DDX60: variants seen among roughly 807,000 people sequenced by gnomAD.
DDX60 encodes probable ATP-dependent RNA helicase DDX60.
In DDX60, 165 loss-of-function variants were observed where a neutral mutation model predicts 212.8. That is an observed-to-expected ratio of 0.78 (90% confidence interval 0.68 to 0.88). The LOEUF is 0.88. DDX60 is among the 40% of genes least tolerant of loss of function. DDX60 has a pLI of 0.00. For missense variants in DDX60, 1,905 were observed against 2,003.9 expected (o/e 0.95, Z 0.94); for synonymous variants, 703 against 685.3 (o/e 1.03, Z -0.40).
At chr4:168,323,740 A>G (rs1737649200), upstream of DDX60, among the ~76,000 whole-genome samples, 1 of 152,168 alleles carries the variant, frequency 6.6e-6, no homozygotes, top group Admixed American at 6.5e-5. Flanking sequence ...TTTTTACCCC[A>G]AAGGAAGGAA....
intron 22 of DDX60, chr4:168,263,631 AT>A (rs1330292007): frequency 2.0e-5 from 3 of 152,062 alleles, no homozygotes. Flanking sequence ...TAATGCTGTT[AT>A]AAAAGAGACC....
rs1470402884 is a variant in DDX60 at position 168,310,983 on chromosome 4, TATA to T, written c.74+12_74+14del. 2 of 1,454,500 alleles carry T rather than the reference TATA, an allele frequency of 1.4e-6. No individual in the cohort carries two copies. Among genetic ancestry groups the T allele is most frequent in the African/African-American group, 1.4e-5 (1 of 71,338 alleles). 90.1% of individuals were successfully genotyped at this position (1,454,500 alleles called of 1,614,324 possible). ...AGCTATGATTTCCCGTCTTTATTAC[TATA>T]ATAATACTCACTCAGCTTTTGGCAT... On this transcript the variant is annotated intron_variant, in intron 3 of 37. Transcript: ENST00000393743.
At position 168,285,961 on chromosome 4, in the gene DDX60, GGAAAGAATGAAA is replaced by G. The variant is rs752189972; in HGVS notation, c.1340-475_1340-464del. 3.5e-3 allele frequency among the ~76,000 whole-genome samples: 336 copies of G among 96,014 alleles called. 2 individuals carry two copies. The highest frequency in any genetic ancestry group is 5.2e-3 in the Non-Finnish European group (265 of 50,750). 63.0% of individuals were successfully genotyped at this position (96,014 alleles called of 152,430 possible). ...GAAGGGAGGAAGGGAGGGAGGGAAA[GGAAAGAATGAAA>G]GAAAGAAAGAAAGAAAGAAAGAAAG... On this transcript the variant is annotated intron_variant, in intron 10 of 37. Coordinates refer to ENST00000393743, the MANE Select transcript of DDX60 (RefSeq NM_017631.6).
At chr4:168,265,875 G>T (rs1048852851) in intron 22 of DDX60, among the ~76,000 whole-genome samples, 30 of 148,326 alleles carry the variant, frequency 2.0e-4, no homozygotes, top group African/African-American at 7.5e-4. Flanking sequence ...GGGAAGGGAA[G>T]GGAAGGGAAG....
intron 1 of DDX60, among the ~76,000 whole-genome samples, chr4:168,312,713 A>G (rs968623265): frequency 4.2e-5 from 3 of 70,764 alleles, no homozygotes; most frequent in Non-Finnish European, 8.2e-5. Flanking sequence ...AGATAGATAT[A>G]GATGATGGAT....
intron 20 of DDX60, 150 bp downstream of exon 20, chr4:168,268,704 T>A: frequency 2.2e-6 from 1 of 462,922 alleles, no homozygotes; most frequent in Non-Finnish European, 3.8e-6. Context: ...GGCCAGGAGG[T>A]GTAGAGAGAT....
chr4:168,260,857 T>C lies in DDX60; in HGVS notation c.3398+8A>G. Reference sequence around the variant, plus strand: ...ACAAGCAAAACCAAATTAAATTAAATAACTTACAAAAAAAATAGTGCAGGT... The same window carrying C: ...ACAAGCAAAACCAAATTAAATTAAACAACTTACAAAAAAAATAGTGCAGGT... On this transcript the variant is annotated splice_region_variant and intron_variant, in intron 25 of 37. Transcript: ENST00000393743. The C allele has an allele frequency of 1.3e-6, 2 of 1,596,508 alleles. No individual in the cohort carries two copies. Among genetic ancestry groups the C allele is most frequent in the Non-Finnish European group, 1.7e-6 (2 of 1,169,294 alleles).
intron 1 of DDX60, among the ~76,000 whole-genome samples, chr4:168,318,345 G>T (rs919170159): frequency 6.6e-6 from 1 of 152,196 alleles, no homozygotes; most frequent in Non-Finnish European, 1.5e-5. Flanking sequence ...CTTTGACGGG[G>T]ACTCCTTAAA....
At chr4:168,223,143 G>A (rs1282579253) in intron 35 of DDX60, among the ~76,000 whole-genome samples, 2 of 152,000 alleles carry the variant, frequency 1.3e-5, no homozygotes, top group East Asian at 3.9e-4. Flanking sequence ...TTGATGGCCT[G>A]GGGGAAAACG....
chr4:168,269,908 A>C (rs924374617), intron 19 of DDX60, among the ~76,000 whole-genome samples: 3 of 152,176 alleles, frequency 2.0e-5, no homozygotes, highest in African/African-American at 7.2e-5. Flanking sequence ...GGTAGAGTTC[A>C]GCTCAATGCC....
chr4:168,258,192 T>TGTA (rs1240160412), intron 25 of DDX60, among the ~76,000 whole-genome samples: 2 of 152,238 alleles, frequency 1.3e-5, no homozygotes, highest in Non-Finnish European at 2.9e-5. Flanking sequence ...ATAACATTTT[T>TGTA]GTAGCACTGT....
intron 3 of DDX60, 39 bp from the exon 4 acceptor site, chr4:168,308,234 A>C (rs768469510): frequency 8.3e-7 from 1 of 1,210,626 alleles, no homozygotes; most frequent in South Asian, 1.4e-5. Context: ...TCACATATGC[A>C]TTAAATCATG....
chr4:168,325,749 G>T, the DDX60 span, among the ~76,000 whole-genome samples: 1 of 152,208 alleles, frequency 6.6e-6, no homozygotes, highest in Non-Finnish European at 1.5e-5. Context: ...AAACTGCTTG[G>T]CCAACAGATA....
At chr4:168,277,025 A>G (rs1400009863) in intron 14 of DDX60, among the ~76,000 whole-genome samples, 1 of 152,224 alleles carries the variant, frequency 6.6e-6, no homozygotes, top group Non-Finnish European at 1.5e-5. Flanking sequence ...AAGTGTGGAG[A>G]TGCTCAAAAC....
intron 35 of DDX60, 31 bp from the exon 36 acceptor site, chr4:168,221,912 A>T: frequency 5.1e-6 from 8 of 1,582,844 alleles, no homozygotes; most frequent in Non-Finnish European, 6.9e-6. Flanking sequence ...TTAATGTATT[A>T]TTTATGTATA....
intron 36 of DDX60, among the ~76,000 whole-genome samples, chr4:168,221,280 CT>C (rs1733041656): frequency 6.6e-6 from 1 of 152,226 alleles, no homozygotes; most frequent in South Asian, 2.1e-4. Context: ...GTGTTTACCC[CT>C]GGCTACTATT....
chr4:168,255,007 C>T (rs1244418011), intron 26 of DDX60, among the ~76,000 whole-genome samples: 1 of 152,130 alleles, frequency 6.6e-6, no homozygotes, highest in African/African-American at 2.4e-5. Context: ...ATAATTTAAT[C>T]AATTCAAATG....
intron 33 of DDX60, among the ~76,000 whole-genome samples, chr4:168,229,394 G>A (rs539844482): frequency 6.6e-6 from 1 of 152,200 alleles, no homozygotes; most frequent in South Asian, 2.1e-4. Flanking sequence ...TGTCTCACAG[G>A]GGTCCTTGGG....
At chr4:168,255,890 C>A (rs17053879) in intron 25 of DDX60, 21 bp from the exon 26 acceptor site, 14 of 1,563,144 alleles carry the variant, frequency 9.0e-6, no homozygotes, top group South Asian at 8.5e-5. Flanking sequence ...AAAGAATGTG[C>A]GCCTTGAAAA....
Sources: gnomAD v4.1 joint callset for allele counts (sites outside exome capture counted in the v4.1 genomes callset) on GRCh38, gnomAD v4.1.1 for gene constraint, MANE v1.5 for transcripts, NCBI Gene and HGNC (gene_info 2026-07-23, HGNC 2026-07-21) for gene names.